The following STON1 variants were observed in gnomAD, a reference collection of about 807,000 sequenced individuals.
The protein encoded by STON1 is stonin 1.
STON1 carries 79 observed loss-of-function variants against 60.9 expected under a neutral mutation model. That is an observed-to-expected ratio of 1.30 (90% confidence interval 1.08 to 1.56). The LOEUF (loss-of-function observed/expected upper bound fraction) is 1.56. Among genes scored for constraint, STON1 ranks in the 40% most tolerant of loss-of-function variants. STON1 has a pLI of 0.00. For synonymous variants in STON1, 363 were observed against 306.9 expected (o/e 1.18, Z -1.91); for missense variants, 1,166 against 858.9 (o/e 1.36, Z -4.47).
At chr2:48,579,299 C>T (rs1287942761) in intron 1 of STON1, among the ~76,000 whole-genome samples, 1 of 148,218 alleles carries the variant, frequency 6.7e-6, no homozygotes, top group Non-Finnish European at 1.5e-5. Context: ...GCCACTGCAC[C>T]CAGCCCTCTT....
intron 1 of STON1, among the ~76,000 whole-genome samples, chr2:48,544,758 G>C (rs1298949684): frequency 2.0e-5 from 3 of 152,154 alleles, no homozygotes; most frequent in African/African-American, 7.2e-5. Context: ...TGCTGGCCAG[G>C]CTTGTCTTGA....
At position 48,596,517 on chromosome 2, in the gene STON1, C is replaced by T. The variant is rs1016045443; in HGVS notation, c.*1215C>T. ...TGTTTTTAGTCTGAAAAACAAACTCCCCCATGTGGTATTAATATACCTTCA... is the reference window on the plus strand; with the variant it reads ...TGTTTTTAGTCTGAAAAACAAACTCTCCCATGTGGTATTAATATACCTTCA... On this transcript the variant is annotated 3_prime_UTR_variant, in exon 4 of 4. Transcript: ENST00000404752. The T allele has an allele frequency of 8.6e-5, 13 of 152,038 alleles. No individual in the cohort carries two copies. Among genetic ancestry groups the T allele is most frequent in the African/African-American group, 3.1e-4 (13 of 41,398 alleles). 9.4% of individuals were successfully genotyped at this position (152,038 alleles called of 1,614,324 possible). A position where few individuals can be genotyped will look rare whatever the true frequency, so the allele number is the denominator to read the frequency against.
At chr2:48,595,090 A>G (rs917127664) in intron 3 of STON1, 138 bp from the exon 4 acceptor site, 2 of 692,456 alleles carry the variant, frequency 2.9e-6, no homozygotes, top group Non-Finnish European at 5.1e-6. Flanking sequence ...AAGCTACTGT[A>G]GGAGGGTAGA....
chr2:48,592,614 T>TATTATC (rs1674586856), intron 3 of STON1, among the ~76,000 whole-genome samples: 2 of 147,656 alleles, frequency 1.4e-5, no homozygotes, highest in Admixed American at 1.4e-4. Flanking sequence ...TTATTATTAT[T>TATTATC]ATTATTATTA....
At chr2:48,592,595 CTATTATTAT>C (rs3047606) in intron 3 of STON1, among the ~76,000 whole-genome samples, 381 of 136,566 alleles carry the variant, frequency 2.8e-3, no homozygotes, top group African/African-American at 7.2e-3. Flanking sequence ...CCACACCCAG[CTATTATTAT>C]TATTATTATT....
At chr2:48,557,229 C>G (rs1237504766) in intron 1 of STON1, among the ~76,000 whole-genome samples, 69 of 65,084 alleles carry the variant, frequency 1.1e-3, no homozygotes, top group African/African-American at 4.1e-3. Flanking sequence ...GGGGTGGTTG[C>G]CAGGCAGAGG....
Position 48,580,554 on chromosome 2 carries a change from A to G in STON1, c.-47-33A>G, listed in dbSNP as rs139403879. 7 of 1,316,448 alleles carry G rather than the reference A, an allele frequency of 5.3e-6. No homozygotes were observed. The East Asian group carries it at 1.1e-4, about 21-fold the overall frequency. The allele number at this position is 1,316,448 out of a possible 1,614,324, so 81.5% of individuals were successfully genotyped here. A position where few individuals can be genotyped will look rare whatever the true frequency, so the allele number is the denominator to read the frequency against. On this transcript the variant is annotated intron_variant, in intron 1 of 3. Transcript: ENST00000404752. ...AATGATTCCCCCCTTCATTTTATAT[A>G]CCTATTTTCTCTTTATTTTATTTTT...
chr2:48,536,029 A>T (rs1463021666), intron 1 of STON1, among the ~76,000 whole-genome samples: 1 of 152,008 alleles, frequency 6.6e-6, no homozygotes, highest in Non-Finnish European at 1.5e-5. Context: ...AGAGGTTCCA[A>T]TGAGCTGAGA....
intron 2 of STON1, among the ~76,000 whole-genome samples, chr2:48,583,820 C>G (rs1475077090): frequency 6.6e-6 from 1 of 150,546 alleles, no homozygotes; most frequent in African/African-American, 2.4e-5. Context: ...GGCACAATCT[C>G]GGCTTACTGC....
At chr2:48,568,995 G>A (rs968971682) in intron 1 of STON1, 1 of 152,440 alleles carries the variant, frequency 6.6e-6, no homozygotes, top group African/African-American at 2.4e-5. Context: ...GCAAGGCATT[G>A]GATCTCTCTG....
At chr2:48,558,034 C>G (rs897127908) in intron 1 of STON1, among the ~76,000 whole-genome samples, 8 of 152,084 alleles carry the variant, frequency 5.3e-5, no homozygotes, top group African/African-American at 1.9e-4. Flanking sequence ...ACCAGCATGA[C>G]CAATATGGAG....
rs1673843348 is a variant in STON1, at chr2:48,580,947, T to C, written c.314T>C (p.Ile105Thr). The change falls in exon 2 of 4, where the codon ATT (isoleucine) becomes ACT (threonine). Residue 105 changes from isoleucine to threonine, a missense_variant. Transcript: ENST00000404752. ...GCAGGGACTCATGTGCTTTATCCTA[T>C]TCCAGAATCATCTTCAGACAGCCCA... ...PKAGTHVLYP[I>T]PESSSDSPLA... is the part of the protein sequence containing the mutation. 2 of 1,594,392 alleles carry C rather than the reference T, an allele frequency of 1.3e-6. No homozygotes were observed. Among genetic ancestry groups the C allele is most frequent in the African/African-American group, 1.3e-5 (1 of 74,126 alleles).
intron 2 of STON1, among the ~76,000 whole-genome samples, chr2:48,585,468 C>G (rs761327836): frequency 6.6e-6 from 1 of 151,966 alleles, no homozygotes; most frequent in African/African-American, 2.4e-5. Context: ...AGGCTGGTCT[C>G]GAACTCCCAA....
rs778438073 is a variant in STON1 at position 48,581,206 on chromosome 2, C to T, written c.573C>T (p.Gly191=). The T allele has an allele frequency of 2.6e-6, 4 of 1,523,878 alleles. No individual in the cohort carries two copies. In the East Asian group the frequency reaches 9.1e-5, roughly 35 times the overall value. 94.4% of individuals were successfully genotyped at this position (1,523,878 alleles called of 1,614,324 possible). ...CAAGTCCATTTTGGAAAGATGAAGG[C>T]AGTGATTCCCATTTCACCCTTGACC... is the stretch of plus-strand genomic sequence containing the variant. The part of the protein sequence containing the change: ...AFSSPFWKDE[G]SDSHFTLDPP... Residue 191 remains glycine (G), a synonymous_variant, in exon 2 of 4, where the codon GGC becomes GGT. Transcript: ENST00000404752.
At chr2:48,543,661 A>T (rs537286806) in intron 1 of STON1, among the ~76,000 whole-genome samples, 6 of 150,492 alleles carry the variant, frequency 4.0e-5, no homozygotes, top group African/African-American at 1.5e-4. Flanking sequence ...CCTCCCAAGT[A>T]GCTGGGACTA....
chr2:48,593,120 G>C (rs555763080), intron 3 of STON1, among the ~76,000 whole-genome samples: 2 of 151,958 alleles, frequency 1.3e-5, no homozygotes, highest in Non-Finnish European at 2.9e-5. Context: ...TGTTTAAAAG[G>C]TTTTCTTTAT....
intron 1 of STON1, among the ~76,000 whole-genome samples, chr2:48,574,026 G>A (rs572755639): frequency 6.6e-6 from 1 of 152,316 alleles, no homozygotes; most frequent in Admixed American, 6.5e-5. Flanking sequence ...GGGGAGGGGA[G>A]TATGTGGAGT....
chr2:48,587,988 A>G (rs1476500806), intron 2 of STON1, among the ~76,000 whole-genome samples: 1 of 152,172 alleles, frequency 6.6e-6, no homozygotes, highest in African/African-American at 2.4e-5. Flanking sequence ...AGAGAGTGAG[A>G]GGGTGCCAGG....
At chr2:48,544,212 A>G (rs1671772042) in intron 1 of STON1, among the ~76,000 whole-genome samples, 1 of 147,836 alleles carries the variant, frequency 6.8e-6, no homozygotes, top group South Asian at 2.3e-4. Flanking sequence ...CTGTCTGTCT[A>G]GACCTCTGAT....
Sources: gnomAD v4.1 joint callset for allele counts (sites outside exome capture counted in the v4.1 genomes callset) on GRCh38, gnomAD v4.1.1 for gene constraint, MANE v1.5 for transcripts, NCBI Gene and HGNC (gene_info 2026-07-23, HGNC 2026-07-21) for gene names.